The following AXIN2 variants were observed in gnomAD, a reference collection of about 807,000 sequenced individuals.
AXIN2 encodes axin 2.
Under a neutral mutation model 74.7 loss-of-function variants are expected in AXIN2, and 21 were observed. The observed-to-expected ratio is 0.28, with a 90% CI of 0.20 to 0.40. The LOEUF (loss-of-function observed/expected upper bound fraction) is 0.40, where lower values mean the gene tolerates loss of function less well. Ranked by LOEUF, AXIN2 falls within the 10% of genes least tolerant of loss-of-function variation. The pLI is 1.00. For synonymous variants in AXIN2, 532 were observed against 454.9 expected (o/e 1.17, Z -2.16); for missense variants, 1,144 against 1,111.1 (o/e 1.03, Z -0.42).
rs780472818 is a variant in AXIN2, at chr17:65,537,400, C to T, written c.1636G>A (p.Gly546Ser). The T allele has an allele frequency of 3.7e-6, 6 of 1,613,936 alleles. No individual in the cohort carries two copies. Among genetic ancestry groups the T allele is most frequent in the Middle Eastern group, 3.3e-4 (2 of 6,082 alleles). ...TQRVHCFCPG[G>S]SEYYCYSKCK... ...TTCGAGTAGCAGTAATACTCGCTGCCCCCAGGGCAGAAGCAGTGCACCCGC... is the reference window on the plus strand; with the variant it reads ...TTCGAGTAGCAGTAATACTCGCTGCTCCCAGGGCAGAAGCAGTGCACCCGC... Residue 546 changes from glycine (G) to serine (S), a missense_variant, in exon 6 of 11, where the codon GGC becomes AGC. By Grantham distance (56) the Gly-to-Ser change is moderately conservative. This residue lies in a region of AXIN2 where 1,053 missense variants were observed against 973.5 expected (regional missense o/e 1.08). Coordinates refer to ENST00000307078, the MANE Select transcript of AXIN2 (RefSeq NM_004655.4).
chr17:65,540,876 C>A (rs1403226478), intron 4 of AXIN2, among the ~76,000 whole-genome samples: 1 of 102,260 alleles, frequency 9.8e-6, no homozygotes, highest in Non-Finnish European at 2.7e-5. Context: ...ACCAAATAAA[C>A]CTCTTTTCTT....
intron 2 of AXIN2, among the ~76,000 whole-genome samples, chr17:65,552,325 T>C (rs1255045057): frequency 6.6e-6 from 1 of 152,136 alleles, no homozygotes; most frequent in Non-Finnish European, 1.5e-5. Context: ...AGGAAATCCA[T>C]AAAGTAGGTG....
intron 3 of AXIN2, among the ~76,000 whole-genome samples, chr17:65,544,156 A>AC (rs1342024705): frequency 6.7e-6 from 1 of 150,228 alleles, no homozygotes; most frequent in Non-Finnish European, 1.5e-5. Flanking sequence ...TCCCCCGTCC[A>AC]CCCCCTCCAA....
At chr17:65,558,927 G>A (rs1378560775) in intron 1 of AXIN2, among the ~76,000 whole-genome samples, 191 bp from the exon 2 acceptor site, 1 of 152,058 alleles carries the variant, frequency 6.6e-6, no homozygotes, top group Admixed American at 6.5e-5. Context: ...AGCGAAATCT[G>A]AGCTCCCTGC....
rs776445861 is a variant in AXIN2, at chr17:65,536,948, G to T, written c.1828C>A (p.Arg610=). The change falls in exon 7 of 11, where the codon CGG becomes AGG. Residue 610 remains arginine (R), a synonymous_variant. Transcript: ENST00000307078. ...TCCTGCGACCTGTCTCCTTCCTCCC[G>T]GGGAAGCTGCAGGGCCCCAGCTCCG... ...PGGAGALQLP[R]EEGDRSQDVW... The T allele has an allele frequency of 1.2e-6, 2 of 1,613,408 alleles. No individual in the cohort carries two copies. Among genetic ancestry groups the T allele is most frequent in the South Asian group, 2.2e-5 (2 of 91,070 alleles).
Position 65,535,635 on chromosome 17 carries a change from G to A in AXIN2, c.2228C>T (p.Ala743Val), listed in dbSNP as rs969592225. The A allele has an allele frequency of 1.2e-6, 2 of 1,614,122 alleles. No homozygotes were observed. Among genetic ancestry groups the A allele is most frequent in the Non-Finnish European group, 8.5e-7 (1 of 1,179,962 alleles). Residue 743 changes from alanine (A) to valine (V), a missense_variant, in exon 9 of 11, where the codon GCT (alanine) becomes GTT (valine). By Grantham distance (64) the Ala-to-Val change is moderately conservative. This residue lies in a region of AXIN2 where 1,053 missense variants were observed against 973.5 expected (regional missense o/e 1.08). Coordinates refer to ENST00000307078, the MANE Select transcript of AXIN2 (RefSeq NM_004655.4). ...GATPFSNPSLAPEDHKEPKKL... is the reference protein window; with the variant it reads ...GATPFSNPSLVPEDHKEPKKL... The stretch of plus-strand genomic sequence containing the variant: ...AGGTAAAGACACTCACTCTTCTGGA[G>A]CCAGGCTTGGATTGGAGAAGGGTGT...
Position 65,538,196 on chromosome 17 carries a change from G to A in AXIN2, c.1200+7C>T, listed in dbSNP as rs747959907. 18 of 1,613,996 alleles carry A rather than the reference G, an allele frequency of 1.1e-5. No homozygotes were observed. Among genetic ancestry groups the A allele is most frequent in the African/African-American group, 6.7e-5 (5 of 74,920 alleles). On this transcript the variant is annotated splice_region_variant and intron_variant, in intron 5 of 10. Coordinates refer to ENST00000307078, the MANE Select transcript of AXIN2 (RefSeq NM_004655.4). ...CGGAAGCAGGAAGAAGGCCTAGGCCGCATTACCTCTCGGATCTGCTGCAGG... is the reference window on the plus strand; with the variant it reads ...CGGAAGCAGGAAGAAGGCCTAGGCCACATTACCTCTCGGATCTGCTGCAGG...
rs1171798763 is a variant in AXIN2, at chr17:65,538,352, C to G, written c.1060-9G>C. ...GGCAGGCGGTGGGTTCTCTACAGGA[C>G]GTGGAAAGGAAAGGGAGGAGGCACG... On this transcript the variant is annotated splice_polypyrimidine_tract_variant and intron_variant, in intron 4 of 10. Coordinates refer to ENST00000307078, the MANE Select transcript of AXIN2 (RefSeq NM_004655.4). 3 of 1,613,912 alleles carry G rather than the reference C, an allele frequency of 1.9e-6. No homozygotes were observed. The highest frequency in any genetic ancestry group is 2.7e-5 in the African/African-American group (2 of 75,000).
intron 10 of AXIN2, among the ~76,000 whole-genome samples, chr17:65,530,752 T>C (rs1046782562): frequency 2.0e-5 from 3 of 152,180 alleles, no homozygotes; most frequent in African/African-American, 7.2e-5. Context: ...GGCCCCATGA[T>C]GCCCTCCCCT....
intron 5 of AXIN2, 105 bp downstream of exon 5, chr17:65,538,098 A>C (rs181479505): frequency 1.9e-6 from 3 of 1,565,720 alleles, no homozygotes; most frequent in Non-Finnish European, 2.6e-6. Flanking sequence ...TGCGCATGCA[A>C]CCCACGCACA....
chr17:65,556,438 G>C (rs1003549083), intron 2 of AXIN2, among the ~76,000 whole-genome samples: 2 of 152,282 alleles, frequency 1.3e-5, no homozygotes, highest in Non-Finnish European at 1.5e-5. Context: ...CTTCCTCCCA[G>C]ACAACTTGAC....
intron 2 of AXIN2, among the ~76,000 whole-genome samples, chr17:65,555,716 G>C (rs776269913): frequency 5.9e-5 from 9 of 152,276 alleles, no homozygotes; most frequent in South Asian, 4.1e-4. Context: ...CACCCAAGCA[G>C]TAAGTGGTGG....
chr17:65,549,422 T>C, intron 3 of AXIN2, 98 bp downstream of exon 3: 1 of 1,495,288 alleles, frequency 6.7e-7, no homozygotes. Context: ...ACAGGTGCGG[T>C]CTGCAAAGCC....
chr17:65,548,313 C>T (rs1178794408), intron 3 of AXIN2, among the ~76,000 whole-genome samples: 4 of 152,224 alleles, frequency 2.6e-5, no homozygotes, highest in African/African-American at 9.6e-5. Flanking sequence ...AAACTCACCT[C>T]ATCAACTTTC....
At position 65,536,466 on chromosome 17, in the gene AXIN2, G is replaced by GC. The variant is rs267606674; in HGVS notation, c.1994dup (p.Asn666GlnfsTer41). 30 of 1,613,620 alleles carry GC rather than the reference G, an allele frequency of 1.9e-5. No homozygotes were observed. The highest frequency in any genetic ancestry group is 2.5e-6 in the Non-Finnish European group (3 of 1,179,956). ...GGGTGGTGCGGGGGTGCCCGCTGTT[G>GC]CCCCCCCACAGATGGTGCCGGCTGG... On this transcript the variant is annotated frameshift_variant, in exon 8 of 11. Transcript: ENST00000307078. LOFTEE classifies it high-confidence loss of function.
rs1292701358 is a variant in AXIN2 at position 65,537,887 on chromosome 17, G to A, written c.1201-52C>T. 4 of 1,497,138 alleles carry A rather than the reference G, an allele frequency of 2.7e-6. No homozygotes were observed. In the East Asian group the frequency reaches 7.2e-5, roughly 27 times the overall value. 92.7% of individuals were successfully genotyped at this position (1,497,138 alleles called of 1,614,324 possible). The stretch of plus-strand genomic sequence containing the variant: ...AGTGACCCAGGAAGCAGAAGGGCCA[G>A]AGGCCCTGGGGTTGCAACATTCGGC... On this transcript the variant is annotated intron_variant, in intron 5 of 10. Coordinates refer to ENST00000307078, the MANE Select transcript of AXIN2 (RefSeq NM_004655.4).
At chr17:65,532,509 C>G (rs1339571041) in intron 10 of AXIN2, among the ~76,000 whole-genome samples, 1 of 152,210 alleles carries the variant, frequency 6.6e-6, no homozygotes, top group African/African-American at 2.4e-5. Flanking sequence ...AGGGACTATC[C>G]AGACCCAGCA....
At position 65,537,858 on chromosome 17, in the gene AXIN2, G is replaced by A. The variant is rs572748824; in HGVS notation, c.1201-23C>T. Reference sequence around the variant, plus strand: ...ATCCTGAAAGGGAAGACGTCAGAAGGAGAAGTGACCCAGGAAGCAGAAGGG... The same window carrying A: ...ATCCTGAAAGGGAAGACGTCAGAAGAAGAAGTGACCCAGGAAGCAGAAGGG... On this transcript the variant is annotated intron_variant, in intron 5 of 10. Coordinates refer to ENST00000307078, the MANE Select transcript of AXIN2 (RefSeq NM_004655.4). 318 of 1,526,838 alleles carry A rather than the reference G, an allele frequency of 2.1e-4. 1 individual carries two copies. The highest frequency in any genetic ancestry group is 6.4e-4 in the South Asian group (49 of 77,162). The allele number at this position is 1,526,838 out of a possible 1,614,324, so 94.6% of individuals were successfully genotyped here. A position where few individuals can be genotyped will look rare whatever the true frequency, so the allele number is the denominator to read the frequency against.
chr17:65,547,048 G>C (rs2044128567), intron 3 of AXIN2, among the ~76,000 whole-genome samples: 1 of 152,114 alleles, frequency 6.6e-6, no homozygotes, highest in African/African-American at 2.4e-5. Flanking sequence ...CTGAAAAGTG[G>C]CTCCCCCATG....
Sources: allele counts gnomAD v4.1 joint callset (sites outside exome capture counted in the v4.1 genomes callset), GRCh38; gene constraint gnomAD v4.1.1; regional missense constraint gnomAD v4.1.1; transcripts MANE v1.5; gene names NCBI Gene and HGNC (gene_info 2026-07-23, HGNC 2026-07-21).